THAP4: variants seen among roughly 807,000 people sequenced by gnomAD.
THAP4 encodes the protein THAP domain containing 4.
THAP4 carries 18 observed loss-of-function variants against 48.1 expected under a neutral mutation model. That is an observed-to-expected ratio of 0.37 (90% CI 0.26 to 0.56). The LOEUF (loss-of-function observed/expected upper bound fraction) is 0.56, where lower values mean the gene tolerates loss of function less well. THAP4 is among the 20% of genes least tolerant of loss of function. THAP4 has a pLI of 0.78. For synonymous variants in THAP4, 345 were observed against 324.9 expected, an observed-to-expected ratio of 1.06 and a Z score of -0.66; for missense variants, 656 against 774.9, an observed-to-expected ratio of 0.85 and a Z score of 1.82.
At position 241,634,192 on chromosome 2, in the gene THAP4, T is replaced by A. The variant is rs979701642; in HGVS notation, c.78-113A>T. 10 of 721,600 alleles carry A rather than the reference T, an allele frequency of 1.4e-5. No individual in the cohort carries two copies. The African/African-American group carries it at 1.8e-4, about 13-fold the overall frequency. 44.7% of individuals were successfully genotyped at this position (721,600 alleles called of 1,614,324 possible). A position where few individuals can be genotyped will look rare whatever the true frequency, so the allele number is the denominator to read the frequency against. On this transcript the variant is annotated intron_variant, in intron 1 of 5. Coordinates refer to ENST00000407315, the MANE Select transcript of THAP4 (RefSeq NM_015963.6). ...GCACGCACCCTAAGCCGTATTGACTTCATCCACTTAAAAAAATACTTCAAA... is the reference window on the plus strand; with the variant it reads ...GCACGCACCCTAAGCCGTATTGACTACATCCACTTAAAAAAATACTTCAAA...
At chr2:241,596,894 C>G (rs868127393) in intron 5 of THAP4, among the ~76,000 whole-genome samples, 1 of 150,554 alleles carries the variant, frequency 6.6e-6, no homozygotes, top group Non-Finnish European at 1.5e-5. Flanking sequence ...CTGGGTGAGT[C>G]AGTGAGTGAG....
intron 5 of THAP4, among the ~76,000 whole-genome samples, chr2:241,599,497 A>C (rs544765040): frequency 6.6e-6 from 1 of 152,334 alleles, no homozygotes; most frequent in East Asian, 1.9e-4. Context: ...CTGAAGATTA[A>C]ATGGGAAAAA....
intron 5 of THAP4, among the ~76,000 whole-genome samples, chr2:241,588,947 G>A (rs1390786417): frequency 6.6e-6 from 1 of 152,162 alleles, no homozygotes; most frequent in Non-Finnish European, 1.5e-5. Context: ...GCGCATGGTG[G>A]CTCACGCCTG....
chr2:241,609,269 C>A (rs989890680), intron 2 of THAP4, among the ~76,000 whole-genome samples: 1 of 152,156 alleles, frequency 6.6e-6, no homozygotes, highest in East Asian at 1.9e-4. Flanking sequence ...AAGATGGTAA[C>A]GGAGGTTTCT....
intron 2 of THAP4, among the ~76,000 whole-genome samples, chr2:241,628,013 C>A (rs374803152): frequency 3.3e-5 from 5 of 152,124 alleles, no homozygotes; most frequent in African/African-American, 9.7e-5. Flanking sequence ...TGGCCCTGAC[C>A]CCTCATCACT....
At chr2:241,629,134 C>T (rs1192290997) in intron 2 of THAP4, among the ~76,000 whole-genome samples, 1 of 151,960 alleles carries the variant, frequency 6.6e-6, no homozygotes, top group Non-Finnish European at 1.5e-5. Flanking sequence ...CCGATCAGCT[C>T]TCAACAGTTA....
At chr2:241,588,556 C>A (rs1215152048) in intron 5 of THAP4, among the ~76,000 whole-genome samples, 1 of 152,188 alleles carries the variant, frequency 6.6e-6, no homozygotes, top group Non-Finnish European at 1.5e-5. Flanking sequence ...ATCAAGACAG[C>A]ATGGTAACAG....
At chr2:241,589,958 T>A (rs2066937496) in intron 5 of THAP4, among the ~76,000 whole-genome samples, 1 of 151,440 alleles carries the variant, frequency 6.6e-6, no homozygotes. Flanking sequence ...ATGATAATGA[T>A]GGGCACTAGG....
At chr2:241,607,687 C>G (rs868070935) in intron 2 of THAP4, among the ~76,000 whole-genome samples, 7 of 148,952 alleles carry the variant, frequency 4.7e-5, no homozygotes, top group Admixed American at 2.7e-4. Flanking sequence ...TCCTCCAGGC[C>G]CGCGCAAGCA....
At chr2:241,622,853 T>G (rs1016372322) in intron 2 of THAP4, among the ~76,000 whole-genome samples, 2 of 152,084 alleles carry the variant, frequency 1.3e-5, no homozygotes, top group African/African-American at 2.4e-5. Context: ...TCCTCACACC[T>G]CAGCCTCTCA....
intron 2 of THAP4, among the ~76,000 whole-genome samples, chr2:241,632,453 G>T (rs950458099): frequency 3.3e-5 from 5 of 152,084 alleles, no homozygotes; most frequent in African/African-American, 1.2e-4. Context: ...TGTTCATGAT[G>T]ATTTAACTTC....
intron 5 of THAP4, among the ~76,000 whole-genome samples, chr2:241,587,925 GA>G (rs909388812): frequency 4.2e-5 from 6 of 141,256 alleles, no homozygotes; most frequent in South Asian, 4.5e-4. Flanking sequence ...CAAAAAAAAA[GA>G]AAAAAATCAC....
intron 1 of THAP4, among the ~76,000 whole-genome samples, chr2:241,635,480 C>T (rs568492102): frequency 6.8e-4 from 104 of 152,270 alleles, no homozygotes; most frequent in South Asian, 2.9e-3. Flanking sequence ...CTGGGCCGGG[C>T]GGGGTGGCTT....
intron 2 of THAP4, among the ~76,000 whole-genome samples, chr2:241,629,472 TA>T (rs201986582): frequency 0.18 from 25,171 of 137,606 alleles, 2,312 homozygotes; most frequent in South Asian, 0.38. Flanking sequence ...CCCTGTCTCT[TA>T]AAAAAAAAAA....
intron 2 of THAP4, among the ~76,000 whole-genome samples, chr2:241,619,948 C>A (rs2067399892): frequency 2.7e-5 from 1 of 36,840 alleles, no homozygotes; most frequent in Non-Finnish European, 5.0e-5. Flanking sequence ...GTGAGTGAGT[C>A]ATTGAGTGAG....
chr2:241,592,370 CAA>C (rs1559217616), intron 5 of THAP4: 1 of 152,390 alleles, frequency 6.6e-6, no homozygotes, highest in Non-Finnish European at 1.5e-5. Flanking sequence ...CAGGCCCTCC[CAA>C]AAAGAGTCAC....
intron 2 of THAP4, among the ~76,000 whole-genome samples, chr2:241,607,535 T>C (rs1422830956): frequency 6.6e-6 from 1 of 151,158 alleles, no homozygotes; most frequent in East Asian, 2.0e-4. Flanking sequence ...TCTCAGTGCT[T>C]CAATTGACAG....
At chr2:241,602,735 C>G (rs1047270230) in intron 4 of THAP4, among the ~76,000 whole-genome samples, 4 of 152,342 alleles carry the variant, frequency 2.6e-5, no homozygotes, top group South Asian at 4.1e-4. Context: ...ACTGGGTAAA[C>G]GGGCCCTCAT....
At chr2:241,602,272 A>C (rs780487856) in intron 4 of THAP4, 4 of 519,612 alleles carry the variant, frequency 7.7e-6, no homozygotes, top group Middle Eastern at 1.0e-3. Flanking sequence ...AGCCTGGCAG[A>C]ACCACCCCTA....
Sources: allele counts gnomAD v4.1 joint callset (sites outside exome capture counted in the v4.1 genomes callset), GRCh38; gene constraint gnomAD v4.1.1; transcripts MANE v1.5; gene names NCBI Gene and HGNC (gene_info 2026-07-23, HGNC 2026-07-21).